The following IL17RD variants were observed in gnomAD, a reference collection of about 807,000 sequenced individuals.
The protein encoded by IL17RD is interleukin 17 receptor D, also known as interleukin-17 receptor D.
IL17RD carries 52 observed loss-of-function variants against 80.5 expected under a neutral mutation model. The observed-to-expected ratio is 0.65, with a 90% confidence interval of 0.52 to 0.81. IL17RD has a LOEUF of 0.81. Among genes scored for constraint, IL17RD ranks in the 40% least tolerant of loss-of-function variants. IL17RD has a pLI of 0.00. For missense variants in IL17RD, 1,024 were observed against 955.1 expected (o/e 1.07, Z -0.95); for synonymous variants, 416 against 391.8 (o/e 1.06, Z -0.73).
intron 1 of IL17RD, among the ~76,000 whole-genome samples, chr3:57,157,923 G>T (rs2060279355): frequency 6.6e-6 from 1 of 152,014 alleles, no homozygotes; most frequent in Non-Finnish European, 1.5e-5. Context: ...ACTATTCAAT[G>T]GGGGGAAAAG....
At chr3:57,110,105 C>A in intron 4 of IL17RD, 88 bp downstream of exon 4, 1 of 1,476,550 alleles carries the variant, frequency 6.8e-7, no homozygotes, top group Non-Finnish European at 9.2e-7. Context: ...CATAGCCCCT[C>A]CTTCTCCAAT....
At chr3:57,121,741 A>G (rs923820886) in intron 1 of IL17RD, among the ~76,000 whole-genome samples, 3 of 152,202 alleles carry the variant, frequency 2.0e-5, no homozygotes, top group African/African-American at 7.2e-5. Flanking sequence ...AGTTTGTGCA[A>G]CTAAAGGCTG....
rs931937567 is a variant in IL17RD, at chr3:57,092,937, T to C, written c.*3456A>G. ...TGTCTTCTGCTGGGTCTAAATTCACTTGAATTTTAACTTAGTTGCCAATAT... is the reference window on the plus strand; with the variant it reads ...TGTCTTCTGCTGGGTCTAAATTCACCTGAATTTTAACTTAGTTGCCAATAT... On this transcript the variant is annotated 3_prime_UTR_variant, in exon 13 of 13. Transcript: ENST00000296318. The C allele has an allele frequency of 6.6e-6, 1 of 152,174 alleles. No homozygotes were observed. Among genetic ancestry groups the C allele is most frequent in the African/African-American group, 2.4e-5 (1 of 41,434 alleles). The allele number at this position is 152,174 out of a possible 1,614,324, so 9.4% of individuals were successfully genotyped here.
At chr3:57,115,076 A>T (rs886464988) in intron 2 of IL17RD, among the ~76,000 whole-genome samples, 2 of 152,160 alleles carry the variant, frequency 1.3e-5, no homozygotes, top group African/African-American at 4.8e-5. Context: ...TGTTGGGAGG[A>T]TCTTATACAG....
intron 3 of IL17RD, 101 bp from the exon 4 acceptor site, chr3:57,110,412 T>A: frequency 7.7e-7 from 1 of 1,302,912 alleles, no homozygotes; most frequent in Non-Finnish European, 1.1e-6. Flanking sequence ...CACACCAGAG[T>A]TAAAGGAATT....
Position 57,122,882 on chromosome 3 carries a change from T to C in IL17RD, c.127-2569A>G, listed in dbSNP as rs73089783. ...ATCTAACAATATGCTCCCTAGTGCA[T>C]AGGGACCCTGGCGACCAATCACCTT... is the stretch of plus-strand genomic sequence containing the variant. On this transcript the variant is annotated intron_variant, in intron 1 of 12. Transcript: ENST00000296318. Among the ~76,000 whole-genome samples the C allele has an allele frequency of 3.9e-3, 599 of 152,008 alleles. 3 individuals are homozygous for C. Among genetic ancestry groups the C allele is most frequent in the Non-Finnish European group, 6.7e-3 (456 of 67,980 alleles).
intron 1 of IL17RD, among the ~76,000 whole-genome samples, chr3:57,161,060 T>C (rs1157674930): frequency 6.6e-6 from 1 of 152,200 alleles, no homozygotes; most frequent in Non-Finnish European, 1.5e-5. Flanking sequence ...AAGGGAGGGC[T>C]GCTCAAGAAA....
chr3:57,096,417 T>C lies in IL17RD; in HGVS notation c.2196A>G (p.Glu732=). The C allele has an allele frequency of 1.2e-6, 2 of 1,613,370 alleles. No individual in the cohort carries two copies. The highest frequency in any genetic ancestry group is 1.7e-6 in the Non-Finnish European group (2 of 1,179,570). The part of the protein sequence containing the change: ...ADLGCRSYTD[E]LHAVAPL The stretch of plus-strand genomic sequence containing the variant: ...GTTACAAAGGGGCGACCGCGTGGAG[T>C]TCATCAGTGTAGCTGCGGCAACCAA... Residue 732 remains glutamate (E), a synonymous_variant, in exon 13 of 13, where the codon GAA becomes GAG. Transcript: ENST00000296318.
chr3:57,121,267 A>G (rs1474079346), intron 1 of IL17RD, among the ~76,000 whole-genome samples: 2 of 152,226 alleles, frequency 1.3e-5, no homozygotes, highest in Admixed American at 6.5e-5. Context: ...CCTGGCATTT[A>G]ATGGGTAATT....
At chr3:57,109,782 G>T (rs778978527) in intron 4 of IL17RD, 125 bp from the exon 5 acceptor site, 88 of 982,266 alleles carry the variant, frequency 9.0e-5, no homozygotes, top group Non-Finnish European at 1.2e-4. Flanking sequence ...ACATGTTCCA[G>T]GGAAGCAGGA....
At chr3:57,102,291 AC>A (rs1424006379) in intron 10 of IL17RD, among the ~76,000 whole-genome samples, 187 bp downstream of exon 10, 4 of 152,100 alleles carry the variant, frequency 2.6e-5, no homozygotes, top group Non-Finnish European at 5.9e-5. Flanking sequence ...ATATAATGAT[AC>A]CTGTTTTTTT....
chr3:57,160,594 ATCCT>A (rs2060297222), intron 1 of IL17RD, among the ~76,000 whole-genome samples: 1 of 151,884 alleles, frequency 6.6e-6, no homozygotes, highest in African/African-American at 2.4e-5. Context: ...TGCTCCTCCC[ATCCT>A]CACACTCCCC....
At chr3:57,156,400 C>A (rs990128400) in intron 1 of IL17RD, among the ~76,000 whole-genome samples, 1 of 152,000 alleles carries the variant, frequency 6.6e-6, no homozygotes, top group Non-Finnish European at 1.5e-5. Flanking sequence ...CCCATCTCTA[C>A]AAAAAATGTA....
At chr3:57,160,792 C>T (rs1007611089) in intron 1 of IL17RD, among the ~76,000 whole-genome samples, 3 of 152,220 alleles carry the variant, frequency 2.0e-5, no homozygotes, top group African/African-American at 7.2e-5. Flanking sequence ...TTACAGCATG[C>T]GTATCCTCAA....
At chr3:57,096,581 T>C (rs1327951913) in intron 12 of IL17RD, 76 bp from the exon 13 acceptor site, 1 of 1,031,264 alleles carries the variant, frequency 9.7e-7, no homozygotes, top group Non-Finnish European at 1.5e-6. Flanking sequence ...TGGCAGAATG[T>C]GACTGGATCT....
At chr3:57,167,411 TC>T (rs956424281), upstream of IL17RD, among the ~76,000 whole-genome samples, 9 of 152,152 alleles carry the variant, frequency 5.9e-5, no homozygotes, top group Non-Finnish European at 1.3e-4. Flanking sequence ...CTTGGTACTG[TC>T]CCTGGGTTGT....
At chr3:57,105,172 G>A (rs1200392432) in intron 7 of IL17RD, among the ~76,000 whole-genome samples, 1 of 152,076 alleles carries the variant, frequency 6.6e-6, no homozygotes, top group Non-Finnish European at 1.5e-5. Context: ...CTGTTTCATA[G>A]AGTGGTATGG....
chr3:57,144,158 A>G (rs1707882613), intron 1 of IL17RD, among the ~76,000 whole-genome samples: 1 of 152,206 alleles, frequency 6.6e-6, no homozygotes, highest in Admixed American at 6.5e-5. Flanking sequence ...ACAACTTGTC[A>G]TCACTTCTGT....
At chr3:57,147,691 T>A (rs578085713) in intron 1 of IL17RD, among the ~76,000 whole-genome samples, 1 of 152,300 alleles carries the variant, frequency 6.6e-6, no homozygotes, top group Admixed American at 6.5e-5. Flanking sequence ...GAGGGGAGCT[T>A]ACTACATGAA....
Sources: allele counts gnomAD v4.1 joint callset (sites outside exome capture counted in the v4.1 genomes callset), GRCh38; gene constraint gnomAD v4.1.1; transcripts MANE v1.5; gene names NCBI Gene and HGNC (gene_info 2026-07-23, HGNC 2026-07-21).